SORL1: variants seen among roughly 807,000 people sequenced by gnomAD.
SORL1 encodes the protein sortilin related receptor 1, also known as sortilin-related receptor.
SORL1 carries 127 observed loss-of-function variants against 273.7 expected under a neutral mutation model. The observed-to-expected ratio is 0.46, with a 90% confidence interval of 0.40 to 0.54. SORL1 has a LOEUF of 0.54. Among genes scored for constraint, SORL1 ranks in the 20% least tolerant of loss-of-function variants. The pLI is 0.00. For synonymous variants in SORL1, 1,031 were observed against 1,067.4 expected (o/e 0.97, Z 0.66); for missense variants, 2,494 against 2,846.1 (o/e 0.88, Z 2.81).
chr11:121,620,619 C>T (rs1367442257), intron 43 of SORL1, among the ~76,000 whole-genome samples: 1 of 152,138 alleles, frequency 6.6e-6, no homozygotes, highest in Non-Finnish European at 1.5e-5. Context: ...TCCCCTTGCC[C>T]CCCTATACCC....
chr11:121,616,563 G>A (rs974559763), intron 41 of SORL1, among the ~76,000 whole-genome samples: 1 of 152,096 alleles, frequency 6.6e-6, no homozygotes, highest in African/African-American at 2.4e-5. Context: ...TCTAAGCCCC[G>A]ACTTGGCCTA....
chr11:121,585,537 A>ACACACACT (rs917372706), intron 26 of SORL1, among the ~76,000 whole-genome samples: 1 of 150,298 alleles, frequency 6.7e-6, no homozygotes, highest in South Asian at 2.1e-4. Flanking sequence ...ACACACACAC[A>ACACACACT]CTTATCAAAA....
At position 121,613,680 on chromosome 11, in the gene SORL1, G is replaced by A. The variant is rs139808914; in HGVS notation, c.5419+848G>A. On this transcript the variant is annotated intron_variant, in intron 40 of 47. Transcript: ENST00000260197. ...TTTACATAACCCCAAGTATAATTCC[G>A]TGAGATATGCCCGCTTTACAGAGGC... is the stretch of plus-strand genomic sequence containing the variant. Among the ~76,000 whole-genome samples, 175 of 152,298 alleles carry A rather than the reference G, an allele frequency of 1.1e-3. 1 individual carries two copies. The highest frequency in any genetic ancestry group is 3.9e-3 in the African/African-American group (164 of 41,548).
chr11:121,494,402 A>G (rs888520815), intron 5 of SORL1, among the ~76,000 whole-genome samples: 4 of 152,188 alleles, frequency 2.6e-5, no homozygotes, highest in Non-Finnish European at 5.9e-5. Flanking sequence ...GGAGTGGGAA[A>G]GCTAAAAATT....
chr11:121,620,436 C>CA (rs1183259235), intron 43 of SORL1, among the ~76,000 whole-genome samples: 5 of 152,202 alleles, frequency 3.3e-5, no homozygotes, highest in East Asian at 3.9e-4. Context: ...CTAAACAAAA[C>CA]AAAAAAACTG....
chr11:121,613,660 A>G (rs953965721), intron 40 of SORL1, among the ~76,000 whole-genome samples: 1 of 152,228 alleles, frequency 6.6e-6, no homozygotes, highest in Non-Finnish European at 1.5e-5. Context: ...TATTATTTAC[A>G]TAACCCCAAG....
At chr11:121,470,945 T>C (rs1861158378) in intron 2 of SORL1, among the ~76,000 whole-genome samples, 1 of 152,172 alleles carries the variant, frequency 6.6e-6, no homozygotes, top group Non-Finnish European at 1.5e-5. Context: ...TGCCTCGGCC[T>C]CCCAAAGTGT....
At chr11:121,475,846 C>G (rs1422479029) in intron 2 of SORL1, among the ~76,000 whole-genome samples, 5 of 152,132 alleles carry the variant, frequency 3.3e-5, no homozygotes, top group Non-Finnish European at 7.3e-5. Flanking sequence ...CTCACTGATT[C>G]ATTCAATTCA....
Position 121,595,780 on chromosome 11 carries a change from G to C in SORL1, c.4519+8G>C, listed in dbSNP as rs1203182058. ...GGGACGAGGCCAATTGCCGTGAGTA[G>C]TCAGAGAGCCCTTCACCCCCTGGGC... is the stretch of plus-strand genomic sequence containing the variant. On this transcript the variant is annotated splice_region_variant and intron_variant, in intron 32 of 47. Coordinates refer to ENST00000260197, the MANE Select transcript of SORL1 (RefSeq NM_003105.6). This position sits in a 1 kb window ranked among gnomAD's most constrained non-coding sequence, Gnocchi z 5.1. 5 of 1,610,772 alleles carry C rather than the reference G, an allele frequency of 3.1e-6. No individual in the cohort carries two copies. The highest frequency in any genetic ancestry group is 4.2e-6 in the Non-Finnish European group (5 of 1,179,818).
chr11:121,492,063 A>G (rs1292827396), intron 5 of SORL1, among the ~76,000 whole-genome samples: 2 of 152,108 alleles, frequency 1.3e-5, no homozygotes, highest in Non-Finnish European at 2.9e-5. Flanking sequence ...TTAGGATCCT[A>G]TTTAAAATTG....
At chr11:121,565,515 C>T (rs539065837) in intron 21 of SORL1, among the ~76,000 whole-genome samples, 35 of 152,216 alleles carry the variant, frequency 2.3e-4, no homozygotes, top group Non-Finnish European at 4.1e-4. Flanking sequence ...TAGATGAATG[C>T]TTGGCTGGGT....
At chr11:121,541,797 G>A (rs191178737) in intron 12 of SORL1, among the ~76,000 whole-genome samples, 5 of 152,256 alleles carry the variant, frequency 3.3e-5, no homozygotes, top group South Asian at 2.1e-4. Flanking sequence ...CTCCCTCTCC[G>A]TCCCTCTTCT....
chr11:121,557,109 C>T, intron 18 of SORL1: 1 of 589,504 alleles, frequency 1.7e-6, no homozygotes, highest in Non-Finnish European at 3.0e-6. Flanking sequence ...TTTCAGACCA[C>T]TTGAAAATTG....
At chr11:121,491,369 TA>T (rs1413368345) in intron 5 of SORL1, among the ~76,000 whole-genome samples, 2 of 152,194 alleles carry the variant, frequency 1.3e-5, no homozygotes, top group African/African-American at 4.8e-5. Context: ...GATAAAGTAG[TA>T]TAGGATCTTG....
In SORL1 at chr11:121,511,354, G is replaced by A. The variant is rs148402477; in HGVS notation, c.940-1649G>A. Among the ~76,000 whole-genome samples, 293 of 152,230 alleles carry A rather than the reference G, an allele frequency of 1.9e-3. 2 individuals are homozygous for A. The highest frequency in any genetic ancestry group is 6.7e-3 in the African/African-American group (279 of 41,538). ...CACTCTTTTTAAAGTTATACTCACAGTTGGAAGTCGTAAAAAACAAAGCAT... is the reference window on the plus strand; with the variant it reads ...CACTCTTTTTAAAGTTATACTCACAATTGGAAGTCGTAAAAAACAAAGCAT... On this transcript the variant is annotated intron_variant, in intron 6 of 47. Transcript: ENST00000260197.
At chr11:121,515,444 C>T (rs189259181) in intron 8 of SORL1, among the ~76,000 whole-genome samples, 14 of 152,090 alleles carry the variant, frequency 9.2e-5, no homozygotes, top group Admixed American at 5.2e-4. Context: ...GGGGGAGTAG[C>T]GCTGCAAGCA....
At chr11:121,605,678 A>G (rs1224583110) in intron 35 of SORL1, 107 bp downstream of exon 35, 3 of 885,572 alleles carry the variant, frequency 3.4e-6, no homozygotes, top group Non-Finnish European at 5.4e-6. Flanking sequence ...TGTGCCTCAC[A>G]TGTACAGAAG....
rs774416406 is a variant in SORL1 at position 121,550,083 on chromosome 11, G to A, written c.2175G>A (p.Thr725=). Residue 725 remains threonine, a synonymous_variant, in exon 15 of 48, where the codon ACG becomes ACA. Transcript: ENST00000260197. This position sits in a 1 kb window ranked among gnomAD's most constrained non-coding sequence, Gnocchi z 5.3. ...PCPVGSTYRR[T]RGYRKISGDT... is the part of the protein sequence containing the mutation. ...CTGTGGGTTCTACTTACAGGAGAAC[G>A]AGAGGGTATGTATCACAGAGGTTGC... 6 of 1,612,838 alleles carry A rather than the reference G, an allele frequency of 3.7e-6. No homozygotes were observed. Among genetic ancestry groups the A allele is most frequent in the Non-Finnish European group, 4.2e-6 (5 of 1,179,386 alleles).
chr11:121,531,067 C>A (rs541299781), intron 11 of SORL1, among the ~76,000 whole-genome samples: 3 of 152,184 alleles, frequency 2.0e-5, no homozygotes, highest in Admixed American at 1.3e-4. Context: ...GTGTATTTTT[C>A]TTTCCCTCAT....
Sources: gnomAD v4.1 joint callset for allele counts (sites outside exome capture counted in the v4.1 genomes callset) on GRCh38, gnomAD v4.1.1 for gene constraint, Gnocchi (gnomAD v3.1) non-coding constraint, MANE v1.5 for transcripts, NCBI Gene and HGNC (gene_info 2026-07-23, HGNC 2026-07-21) for gene names.